Variants in PLAA observed in about 807,000 individuals in gnomAD.
PLAA encodes the protein phospholipase A-2-activating protein.
PLAA carries 48 observed loss-of-function variants against 84.1 expected under a neutral mutation model. That is an observed-to-expected ratio of 0.57 (90% confidence interval 0.45 to 0.73). The LOEUF (loss-of-function observed/expected upper bound fraction) is 0.73. Ranked by LOEUF, PLAA falls within the 30% of genes least tolerant of loss-of-function variation. The pLI, the probability that PLAA is intolerant of heterozygous loss-of-function variation, is 0.00. For synonymous variants in PLAA, 392 were observed against 336.6 expected, an observed-to-expected ratio of 1.16 and a Z score of -1.80; for missense variants, 903 against 954.7, an observed-to-expected ratio of 0.95 and a Z score of 0.71.
At chr9:26,908,097 ATGGGGAGT>A in intron 12 of PLAA, 99 bp from the exon 13 acceptor site, 2 of 789,200 alleles carry the variant, frequency 2.5e-6, no homozygotes, top group South Asian at 4.0e-5. Flanking sequence ...AGTGTACACC[ATGGGGAGT>A]TAAGACTTTA....
At chr9:26,913,321 T>C (rs988426254) in intron 11 of PLAA, among the ~76,000 whole-genome samples, 1 of 152,146 alleles carries the variant, frequency 6.6e-6, no homozygotes, top group South Asian at 2.1e-4. Context: ...AAGTGAGGTA[T>C]GTCAGACTGT....
Position 26,928,447 on chromosome 9 carries a change from A to C in PLAA, c.344-39T>G, listed in dbSNP as rs991211049. On this transcript the variant is annotated intron_variant, in intron 2 of 13. Transcript: ENST00000397292. ...ATCATTGGATAACACATTTTCATAC[A>C]GAAAAATGCTCAACATTGAAAGTTA... The C allele has an allele frequency of 6.0e-6, 8 of 1,332,744 alleles. No individual in the cohort carries two copies. The African/African-American group carries it at 1.0e-4, about 17-fold the overall frequency. 82.6% of individuals were successfully genotyped at this position (1,332,744 alleles called of 1,614,324 possible). A position where few individuals can be genotyped will look rare whatever the true frequency, so the allele number is the denominator to read the frequency against.
At chr9:26,907,579 A>AAAC in intron 13 of PLAA, 3 of 391,304 alleles carry the variant, frequency 7.7e-6, no homozygotes, top group East Asian at 5.3e-5. Context: ...CAAAGAAAAC[A>AAAC]AACAACAACA....
chr9:26,942,857 C>G (rs1172529839), intron 1 of PLAA, among the ~76,000 whole-genome samples: 2 of 124,436 alleles, frequency 1.6e-5, no homozygotes, highest in African/African-American at 3.1e-5. Flanking sequence ...CCGGCCTGGG[C>G]GACAGAGCGA....
Position 26,940,795 on chromosome 9 carries a change from C to T in PLAA, c.150-5589G>A, listed in dbSNP as rs1825510000. Among the ~76,000 whole-genome samples, 3 of 152,270 alleles carry T rather than the reference C, an allele frequency of 2.0e-5. No homozygotes were observed. The South Asian group carries it at 6.2e-4, about 32-fold the overall frequency. On this transcript the variant is annotated intron_variant, in intron 1 of 13. Coordinates refer to ENST00000397292, the MANE Select transcript of PLAA (RefSeq NM_001031689.3). ...AGAATCTGAAGCATTATGAAAAAGT[C>T]TTCAAAGAAAGATACCTGGTAGTAA...
chr9:26,920,204 T>C, intron 8 of PLAA, 23 bp downstream of exon 8: 1 of 1,597,740 alleles, frequency 6.3e-7, no homozygotes. Context: ...ACAATAGTAA[T>C]TAGAAAGTAG....
intron 6 of PLAA, among the ~76,000 whole-genome samples, chr9:26,924,542 C>T (rs1258435674): frequency 1.3e-5 from 2 of 152,104 alleles, no homozygotes; most frequent in Admixed American, 6.5e-5. Context: ...CTATCATTTT[C>T]TATTCAAAAT....
intron 1 of PLAA, among the ~76,000 whole-genome samples, chr9:26,936,591 C>T (rs1211877267): frequency 2.0e-5 from 3 of 152,170 alleles, no homozygotes; most frequent in Non-Finnish European, 4.4e-5. Flanking sequence ...GTAGCAGTTA[C>T]CCACACCTCA....
In PLAA at chr9:26,904,044, G is replaced by C. The variant is rs1215423109; in HGVS notation, c.*1467C>G. On this transcript the variant is annotated 3_prime_UTR_variant, in exon 14 of 14. Transcript: ENST00000397292. ...ACGAAAAGTATAGGTACTCAACTGA[G>C]CCAGTGAACAGAATATTTAGTCCAG... 1 of 153,532 alleles carries C rather than the reference G, an allele frequency of 6.5e-6. No individual in the cohort carries two copies. Among genetic ancestry groups the C allele is most frequent in the Non-Finnish European group, 1.5e-5 (1 of 67,998 alleles). The allele number at this position is 153,532 out of a possible 1,614,324, so 9.5% of individuals were successfully genotyped here.
intron 1 of PLAA, among the ~76,000 whole-genome samples, chr9:26,942,553 T>C (rs567448276): frequency 1.3e-5 from 2 of 151,686 alleles, no homozygotes; most frequent in Non-Finnish European, 2.9e-5. Context: ...TGAGGAAGAG[T>C]TATCATAGAT....
At chr9:26,943,565 A>G (rs901064200) in intron 1 of PLAA, among the ~76,000 whole-genome samples, 1 of 152,148 alleles carries the variant, frequency 6.6e-6, no homozygotes, top group Non-Finnish European at 1.5e-5. Context: ...ACAGTGGTAA[A>G]TTTCATTTAC....
chr9:26,916,361 TAG>T (rs1824560054), intron 10 of PLAA: 1 of 986,946 alleles, frequency 1.0e-6, no homozygotes, highest in Non-Finnish European at 1.2e-6. Flanking sequence ...ATTCTGAAAA[TAG>T]AGACTTCTTC....
At chr9:26,934,340 A>G (rs1226000821) in intron 2 of PLAA, among the ~76,000 whole-genome samples, 1 of 152,212 alleles carries the variant, frequency 6.6e-6, no homozygotes, top group African/African-American at 2.4e-5. Context: ...CCAGAGCCCT[A>G]AACACACTGC....
At chr9:26,929,751 T>C (rs767434130) in intron 2 of PLAA, among the ~76,000 whole-genome samples, 7 of 152,172 alleles carry the variant, frequency 4.6e-5, no homozygotes, top group African/African-American at 1.7e-4. Context: ...TAATTGTATA[T>C]TGGGTATGGT....
intron 7 of PLAA, among the ~76,000 whole-genome samples, chr9:26,921,555 T>C (rs922794130): frequency 1.4e-4 from 22 of 152,240 alleles, no homozygotes; most frequent in African/African-American, 3.9e-4. Flanking sequence ...ACGTAGGTAG[T>C]TGAAAAAGAG....
At chr9:26,932,654 G>C (rs1374995964) in intron 2 of PLAA, among the ~76,000 whole-genome samples, 2 of 152,174 alleles carry the variant, frequency 1.3e-5, no homozygotes, top group African/African-American at 2.4e-5. Flanking sequence ...ATTTATAAAT[G>C]AAACAGCAGA....
intron 2 of PLAA, among the ~76,000 whole-genome samples, chr9:26,932,729 T>C (rs761947033): frequency 1.3e-5 from 2 of 152,212 alleles, no homozygotes; most frequent in Non-Finnish European, 2.9e-5. Context: ...ATAAGATATC[T>C]CTACTTCTGT....
chr9:26,922,582 A>G (rs1824805452), intron 7 of PLAA, among the ~76,000 whole-genome samples: 1 of 152,224 alleles, frequency 6.6e-6, no homozygotes, highest in Admixed American at 6.5e-5. Flanking sequence ...ATCCAACCCA[A>G]GATTTCATTT....
chr9:26,906,584 C>T (rs529826906), intron 13 of PLAA, among the ~76,000 whole-genome samples: 19 of 151,948 alleles, frequency 1.3e-4, no homozygotes, highest in Non-Finnish European at 2.6e-4. Flanking sequence ...CACGTCACCA[C>T]GCCCAGCTAA....
Sources: gnomAD v4.1 joint callset for allele counts (sites outside exome capture counted in the v4.1 genomes callset) on GRCh38, gnomAD v4.1.1 for gene constraint, MANE v1.5 for transcripts, NCBI Gene and HGNC (gene_info 2026-07-23, HGNC 2026-07-21) for gene names.